PIEZO2: variants seen among roughly 807,000 people sequenced by gnomAD.
The protein encoded by PIEZO2 is piezo-type mechanosensitive ion channel component 2.
A neutral mutation model predicts 337.3 loss-of-function variants in PIEZO2; 172 were observed. The ratio of observed to expected loss-of-function variants is 0.51; its 90% CI spans 0.45 to 0.58. PIEZO2 has a LOEUF of 0.58. Ranked by LOEUF, PIEZO2 falls within the 20% of genes least tolerant of loss-of-function variation. The pLI is 0.00. For missense variants in PIEZO2, 3,028 were observed against 3,391.3 expected (o/e 0.89, Z 2.66); for synonymous variants, 1,251 against 1,228.5 (o/e 1.02, Z -0.38).
chr18:10,801,464 G>T (rs1213747588), intron 9 of PIEZO2, 36 bp from the exon 10 acceptor site: 1 of 1,466,676 alleles, frequency 6.8e-7, no homozygotes, highest in Non-Finnish European at 9.2e-7. Flanking sequence ...TGTTAGTAAG[G>T]AAGCTGAAAG....
chr18:10,906,362 A>G (rs1239879445), intron 4 of PIEZO2, among the ~76,000 whole-genome samples: 1 of 152,216 alleles, frequency 6.6e-6, no homozygotes, highest in Non-Finnish European at 1.5e-5. Flanking sequence ...AACGGGCAAG[A>G]GATCAGTAAA....
chr18:10,676,938 C>T lies in PIEZO2; in HGVS notation c.8081+809G>A, dbSNP rs1269102612. Among the ~76,000 whole-genome samples the T allele has an allele frequency of 1.3e-5, 2 of 152,172 alleles. No individual in the cohort carries two copies. Among genetic ancestry groups the T allele is most frequent in the East Asian group, 3.9e-4 (2 of 5,188 alleles). On this transcript the variant is annotated intron_variant, in intron 53 of 55. Transcript: ENST00000674853. The surrounding 1 kb of genome is among the most constrained non-coding windows in gnomAD (Gnocchi z 5.1). ...CCCCGGGGGCAGGGCAGGGAGAATGCGATACCACTGGGCACATACTATGTT... is the reference window on the plus strand; with the variant it reads ...CCCCGGGGGCAGGGCAGGGAGAATGTGATACCACTGGGCACATACTATGTT...
intron 7 of PIEZO2, among the ~76,000 whole-genome samples, chr18:10,817,576 A>G (rs919177539): frequency 1.3e-5 from 2 of 152,164 alleles, no homozygotes; most frequent in African/African-American, 4.8e-5. Flanking sequence ...CCGTGGCCTC[A>G]TTTTATTGTT....
Position 10,726,235 on chromosome 18 carries a change from G to C in PIEZO2, c.5029+5172C>G. ...GAGGGGCTTCACGCTGCCTGGGGCT[G>C]GAAGAGCTTGTGTGCGAGCCTGTGT... On this transcript the variant is annotated intron_variant, in intron 36 of 55. Transcript: ENST00000674853. The surrounding 1 kb of genome is among the most constrained non-coding windows in gnomAD (Gnocchi z 5.9). 1 of 730,128 alleles carries C rather than the reference G, an allele frequency of 1.4e-6. No homozygotes were observed. Among genetic ancestry groups the C allele is most frequent in the Non-Finnish European group, 2.4e-6 (1 of 413,842 alleles). The allele number at this position is 730,128 out of a possible 1,614,324, so 45.2% of individuals were successfully genotyped here.
At chr18:11,103,834 T>C (rs542906806) in intron 1 of PIEZO2, among the ~76,000 whole-genome samples, 6 of 151,464 alleles carry the variant, frequency 4.0e-5, no homozygotes, top group Non-Finnish European at 5.9e-5. Flanking sequence ...TGCGTGTGTG[T>C]GTGTGACGGA....
chr18:10,828,375 G>A lies in PIEZO2; in HGVS notation c.918-21101C>T, dbSNP rs1568106136. 6.6e-6 allele frequency among the ~76,000 whole-genome samples: 1 copy of A among 152,166 alleles called. No homozygotes were observed. The highest frequency in any genetic ancestry group is 1.5e-5 in the Non-Finnish European group (1 of 68,034). ...ATCAGACAACGAACCTCTTCAGAAT[G>A]AGAAATGGAGCTGCTGCCCTGAAGA... On this transcript the variant is annotated intron_variant, in intron 7 of 55. Coordinates refer to ENST00000674853, the MANE Select transcript of PIEZO2 (RefSeq NM_001378183.1). This position sits in a 1 kb window ranked among gnomAD's most constrained non-coding sequence, Gnocchi z 4.1.
At chr18:11,087,711 A>G (rs544913932) in intron 1 of PIEZO2, among the ~76,000 whole-genome samples, 2 of 152,274 alleles carry the variant, frequency 1.3e-5, no homozygotes, top group South Asian at 4.1e-4. Flanking sequence ...TAAAATCGTC[A>G]TTTCAGGTTT....
chr18:10,939,531 T>C (rs12961198), intron 3 of PIEZO2, among the ~76,000 whole-genome samples: 66,443 of 151,978 alleles, frequency 0.44, 14,943 homozygotes, highest in Non-Finnish European at 0.5. Flanking sequence ...TACCCATCAA[T>C]GATAGACTGG....
Position 10,999,223 on chromosome 18 carries a change from G to A in PIEZO2, c.161-19563C>T, listed in dbSNP as rs370814193. On this transcript the variant is annotated intron_variant, in intron 2 of 55. Transcript: ENST00000674853. Reference sequence around the variant, plus strand: ...AAAATCAGTTTATAGATAAGTTAATGTATTGGATACCAAATCTGCGTAGAG... The same window carrying A: ...AAAATCAGTTTATAGATAAGTTAATATATTGGATACCAAATCTGCGTAGAG... Among the ~76,000 whole-genome samples the A allele has an allele frequency of 2.0e-5, 3 of 150,960 alleles. No homozygotes were observed. The East Asian group carries it at 5.8e-4, about 29-fold the overall frequency.
At chr18:11,046,006 G>A (rs2037299899) in intron 2 of PIEZO2, among the ~76,000 whole-genome samples, 1 of 152,052 alleles carries the variant, frequency 6.6e-6, no homozygotes, top group South Asian at 2.1e-4. Flanking sequence ...ATTCTGTTAG[G>A]GTGTTCCACA....
At chr18:10,906,297 T>A (rs1225735283) in intron 4 of PIEZO2, among the ~76,000 whole-genome samples, 1 of 152,208 alleles carries the variant, frequency 6.6e-6, no homozygotes, top group Admixed American at 6.5e-5. Context: ...TAATCTGAAG[T>A]AATGTTCTGA....
intron 5 of PIEZO2, among the ~76,000 whole-genome samples, chr18:10,865,042 C>T (rs1335858272): frequency 6.6e-6 from 1 of 152,154 alleles, no homozygotes; most frequent in Non-Finnish European, 1.5e-5. Flanking sequence ...GAGAAGACAT[C>T]TACATGAGAT....
chr18:10,837,446 C>T lies in PIEZO2; in HGVS notation c.917+17907G>A, dbSNP rs1361765221. On this transcript the variant is annotated intron_variant, in intron 7 of 55. Transcript: ENST00000674853. This position sits in a 1 kb window ranked among gnomAD's most constrained non-coding sequence, Gnocchi z 4.4. ...GTAGAGTGCTCCATCACGCTGGACT[C>T]GCTGGAATGGGGGTAATGAGGATGA... Among the ~76,000 whole-genome samples the T allele has an allele frequency of 1.3e-5, 2 of 152,252 alleles. No individual in the cohort carries two copies. The highest frequency in any genetic ancestry group is 1.3e-4 in the Admixed American group (2 of 15,284).
rs370780217 is a variant in PIEZO2, at chr18:11,108,826, G to A, written c.64+39699C>T. 6.6e-5 allele frequency among the ~76,000 whole-genome samples: 10 copies of A among 152,178 alleles called. No homozygotes were observed. The East Asian group carries it at 1.5e-3, about 24-fold the overall frequency. ...CTCAGGGCTGGCAAGCTGAAGACCA[G>A]AGCTTGTTCCACTCTTCACACGGTC... On this transcript the variant is annotated intron_variant, in intron 1 of 55. Coordinates refer to ENST00000674853, the MANE Select transcript of PIEZO2 (RefSeq NM_001378183.1).
intron 7 of PIEZO2, among the ~76,000 whole-genome samples, chr18:10,849,257 C>G (rs1393160657): frequency 6.6e-6 from 1 of 152,226 alleles, no homozygotes; most frequent in Non-Finnish European, 1.5e-5. Flanking sequence ...GGTGATCCAC[C>G]TGCCTTGGCC....
In PIEZO2 at chr18:11,146,655, G is replaced by A. The variant is rs753049315; in HGVS notation, c.64+1870C>T. On this transcript the variant is annotated intron_variant, in intron 1 of 55. Transcript: ENST00000674853. This position sits in a 1 kb window ranked among gnomAD's most constrained non-coding sequence, Gnocchi z 6.1. ...TTGGAGGCAGGTGAGCTGAGTCCAG[G>A]GAGCCCAACCTGCAAGAGCCTATGC... is the stretch of plus-strand genomic sequence containing the variant. 3.3e-5 allele frequency among the ~76,000 whole-genome samples: 5 copies of A among 152,236 alleles called. No homozygotes were observed. The highest frequency in any genetic ancestry group is 4.4e-5 in the Non-Finnish European group (3 of 68,040).
chr18:11,051,733 G>T (rs570889597), intron 2 of PIEZO2, among the ~76,000 whole-genome samples: 1 of 152,324 alleles, frequency 6.6e-6, no homozygotes, highest in East Asian at 1.9e-4. Flanking sequence ...ATATCAGAAC[G>T]ATCAATTATT....
intron 44 of PIEZO2, 67 bp downstream of exon 44, chr18:10,698,858 C>T: frequency 6.6e-7 from 1 of 1,521,162 alleles, no homozygotes; most frequent in South Asian, 1.2e-5. Context: ...CCCAGACCCA[C>T]AGGCACCAGA....
intron 3 of PIEZO2, among the ~76,000 whole-genome samples, chr18:10,919,660 T>C (rs900975902): frequency 2.6e-5 from 4 of 152,164 alleles, no homozygotes. Flanking sequence ...TTGTTTCTTT[T>C]CAAAAATTAC....
Sources: gnomAD v4.1 joint callset for allele counts (sites outside exome capture counted in the v4.1 genomes callset) on GRCh38, gnomAD v4.1.1 for gene constraint, Gnocchi (gnomAD v3.1) non-coding constraint, MANE v1.5 for transcripts, NCBI Gene and HGNC (gene_info 2026-07-23, HGNC 2026-07-21) for gene names.